PDZD2: variants seen among roughly 807,000 people sequenced by gnomAD.
The protein encoded by PDZD2 is PDZ domain-containing protein 2.
A neutral mutation model predicts 220.7 loss-of-function variants in PDZD2; 90 were observed. That is an observed-to-expected ratio of 0.41 (90% confidence interval 0.34 to 0.49). The LOEUF (loss-of-function observed/expected upper bound fraction) is 0.49, where lower values mean the gene tolerates loss of function less well. Ranked by LOEUF, PDZD2 falls within the 20% of genes least tolerant of loss-of-function variation. The pLI, the probability that PDZD2 is intolerant of heterozygous loss-of-function variation, is 0.28. For missense variants in PDZD2, 3,174 were observed against 3,608.5 expected (o/e 0.88, Z 3.08); for synonymous variants, 1,375 against 1,450.5 (o/e 0.95, Z 1.18).
intron 2 of PDZD2, among the ~76,000 whole-genome samples, chr5:31,878,445 T>A (rs1487908749): frequency 6.6e-6 from 1 of 152,048 alleles, no homozygotes; most frequent in Admixed American, 6.6e-5. Context: ...ATGGCATAGC[T>A]TGCTCTGAAG....
At chr5:32,033,702 C>T (rs569191321) in intron 6 of PDZD2, among the ~76,000 whole-genome samples, 120 of 152,130 alleles carry the variant, frequency 7.9e-4, no homozygotes, top group Non-Finnish European at 1.4e-3. Context: ...TCACTGCAAC[C>T]TCTGCCTCCT....
At chr5:31,720,711 T>C (rs1748737259) in intron 1 of PDZD2, among the ~76,000 whole-genome samples, 1 of 152,210 alleles carries the variant, frequency 6.6e-6, no homozygotes, top group Admixed American at 6.5e-5. Flanking sequence ...AAGTCCTATC[T>C]GTGTAACTTC....
intron 1 of PDZD2, among the ~76,000 whole-genome samples, chr5:31,784,589 G>A (rs1044998358): frequency 6.6e-6 from 1 of 152,158 alleles, no homozygotes; most frequent in African/African-American, 2.4e-5. Flanking sequence ...GCAAAACAGG[G>A]ACAAAAACTC....
chr5:32,058,258 G>A lies in PDZD2; in HGVS notation c.2200+155G>A, dbSNP rs553528033. 2.0e-5 allele frequency among the ~76,000 whole-genome samples: 3 copies of A among 151,854 alleles called. No homozygotes were observed. In the South Asian group the frequency reaches 6.3e-4, roughly 32 times the overall value. On this transcript the variant is annotated intron_variant, in intron 12 of 24. Transcript: ENST00000438447. ...TCTCTGCATGGGACAGTGAGGTCAG[G>A]TAGAGAGATGTTAGTCACTTTAGTC...
At chr5:31,776,960 T>C (rs1202247055) in intron 1 of PDZD2, among the ~76,000 whole-genome samples, 1 of 152,068 alleles carries the variant, frequency 6.6e-6, no homozygotes, top group Non-Finnish European at 1.5e-5. Flanking sequence ...CGGCCCTCAC[T>C]CACTCTCAGC....
At chr5:31,800,654 G>A (rs1465684706) in intron 2 of PDZD2, among the ~76,000 whole-genome samples, 1 of 152,204 alleles carries the variant, frequency 6.6e-6, no homozygotes, top group Admixed American at 6.5e-5. Context: ...CCTTTCTTTG[G>A]AATGCACATG....
chr5:31,741,078 T>C (rs1315666046), intron 1 of PDZD2, among the ~76,000 whole-genome samples: 1 of 152,154 alleles, frequency 6.6e-6, no homozygotes, highest in Non-Finnish European at 1.5e-5. Context: ...GGGCAAAAAA[T>C]TGTTTGAAAT....
intron 2 of PDZD2, among the ~76,000 whole-genome samples, chr5:31,800,181 G>C (rs1754312004): frequency 6.6e-6 from 1 of 152,164 alleles, no homozygotes; most frequent in South Asian, 2.1e-4. Flanking sequence ...TGATTAACTA[G>C]GACTCACAAA....
intron 1 of PDZD2, chr5:31,725,919 C>A (rs1188489320): frequency 1.5e-6 from 1 of 685,572 alleles, no homozygotes; most frequent in Non-Finnish European, 2.6e-6. Context: ...GGCCGTTCCT[C>A]CAGCTGCCTG....
rs188116129 is a variant in PDZD2, at chr5:32,041,055, G to A, written c.1519+3713G>A. On this transcript the variant is annotated intron_variant, in intron 7 of 24. Coordinates refer to ENST00000438447, the MANE Select transcript of PDZD2 (RefSeq NM_178140.4). ...GGCGCCTCTGCCCAGCAGCCGCCCCGTCTGGGAAGTGGGGAGCGCCTCTGT... is the reference window on the plus strand; with the variant it reads ...GGCGCCTCTGCCCAGCAGCCGCCCCATCTGGGAAGTGGGGAGCGCCTCTGT... Among the ~76,000 whole-genome samples the A allele has an allele frequency of 2.3e-3, 317 of 135,348 alleles. 10 individuals carry two copies. In the East Asian group the frequency reaches 0.056, roughly 24 times the overall value. The allele number at this position is 135,348 out of a possible 152,430, so 88.8% of individuals were successfully genotyped here.
intron 14 of PDZD2, among the ~76,000 whole-genome samples, chr5:32,061,636 G>GGCTT (rs1443736760): frequency 6.6e-6 from 1 of 152,178 alleles, no homozygotes; most frequent in African/African-American, 2.4e-5. Context: ...ATGAGGGCCA[G>GGCTT]GCTTGATGAC....
At chr5:31,888,082 G>A (rs1580999096) in intron 2 of PDZD2, among the ~76,000 whole-genome samples, 2 of 152,256 alleles carry the variant, frequency 1.3e-5, no homozygotes, top group East Asian at 1.9e-4. Context: ...TTTGGATGGC[G>A]CAGATATTGC....
At chr5:31,916,355 C>T (rs1743678886) in intron 2 of PDZD2, among the ~76,000 whole-genome samples, 1 of 152,226 alleles carries the variant, frequency 6.6e-6, no homozygotes, top group East Asian at 1.9e-4. Context: ...CTCAACCCCT[C>T]CAGGGGAGGG....
In PDZD2 at chr5:32,010,544, C is replaced by G. The variant is rs1315406333; in HGVS notation, c.1407+62C>G. The stretch of plus-strand genomic sequence containing the variant: ...TACTTTTTTCTGAAGTCCTGGGCGC[C>G]AGGATTAGGGGATAAATGCTTGAGA... On this transcript the variant is annotated intron_variant, in intron 6 of 24. Transcript: ENST00000438447. The G allele has an allele frequency of 3.4e-6, 4 of 1,185,338 alleles. No individual in the cohort carries two copies. In the African/African-American group the frequency reaches 4.5e-5, roughly 13 times the overall value. 73.4% of individuals were successfully genotyped at this position (1,185,338 alleles called of 1,614,324 possible). A position where few individuals can be genotyped will look rare whatever the true frequency, so the allele number is the denominator to read the frequency against.
intron 19 of PDZD2, among the ~76,000 whole-genome samples, chr5:32,080,464 G>T (rs1034239690): frequency 6.6e-6 from 1 of 151,810 alleles, no homozygotes; most frequent in African/African-American, 2.4e-5. Flanking sequence ...TTTGAGGCCA[G>T]TATCTTCATA....
intron 1 of PDZD2, among the ~76,000 whole-genome samples, chr5:31,721,426 C>T (rs1404831764): frequency 1.3e-5 from 2 of 151,950 alleles, no homozygotes; most frequent in Non-Finnish European, 2.9e-5. Context: ...TTCAGATGTC[C>T]TAACAGGTTA....
intron 1 of PDZD2, among the ~76,000 whole-genome samples, chr5:31,656,831 A>G (rs936758094): frequency 2.0e-5 from 3 of 152,216 alleles, no homozygotes; most frequent in African/African-American, 7.2e-5. Context: ...AAGCTCCAAG[A>G]CAGAGCAAAG....
chr5:31,969,799 T>C (rs2111770768), intron 2 of PDZD2, among the ~76,000 whole-genome samples: 2 of 152,262 alleles, frequency 1.3e-5, no homozygotes, highest in South Asian at 4.1e-4. Flanking sequence ...AAAGAGTCTC[T>C]TTTTTTGTTT....
intron 2 of PDZD2, among the ~76,000 whole-genome samples, chr5:31,887,554 C>T (rs1740623168): frequency 6.6e-6 from 1 of 152,186 alleles, no homozygotes; most frequent in South Asian, 2.1e-4. Flanking sequence ...ACCATTTTTA[C>T]AGCAGAGAAG....
Sources: gnomAD v4.1 joint callset for allele counts (sites outside exome capture counted in the v4.1 genomes callset) on GRCh38, gnomAD v4.1.1 for gene constraint, MANE v1.5 for transcripts, NCBI Gene and HGNC (gene_info 2026-07-23, HGNC 2026-07-21) for gene names.